The following SNTG1 variants were observed in gnomAD, a reference collection of about 807,000 sequenced individuals.
SNTG1 encodes gamma-1-syntrophin.
SNTG1 carries 39 observed loss-of-function variants against 74.7 expected under a neutral mutation model. The observed-to-expected ratio is 0.52, with a 90% CI of 0.40 to 0.68. SNTG1 has a LOEUF of 0.68. Ranked by LOEUF, SNTG1 falls within the 30% of genes least tolerant of loss-of-function variation. The pLI, the probability that SNTG1 is intolerant of heterozygous loss-of-function variation, is 0.00. For missense variants in SNTG1, 685 were observed against 609.5 expected (o/e 1.12, Z -1.30); for synonymous variants, 254 against 217.1 (o/e 1.17, Z -1.49).
chr8:50,669,722 G>A (rs1234457985), intron 15 of SNTG1, among the ~76,000 whole-genome samples: 2 of 152,130 alleles, frequency 1.3e-5, no homozygotes, highest in African/African-American at 4.8e-5. Context: ...ACAAAAGCCT[G>A]GCAGAGACAC....
chr8:50,078,715 C>T (rs371166214), intron 1 of SNTG1, among the ~76,000 whole-genome samples: 1 of 152,054 alleles, frequency 6.6e-6, no homozygotes, highest in Non-Finnish European at 1.5e-5. Context: ...TTTCTCTAGC[C>T]CCCCAACCCT....
chr8:50,344,833 C>T (rs2091425759), intron 2 of SNTG1, among the ~76,000 whole-genome samples: 1 of 152,212 alleles, frequency 6.6e-6, no homozygotes, highest in African/African-American at 2.4e-5. Context: ...CCTAGTACCT[C>T]AGACTGTGAC....
chr8:50,219,857 G>T lies in SNTG1; in HGVS notation c.-28+47222G>T, dbSNP rs556681976. Among the ~76,000 whole-genome samples, 13 of 152,166 alleles carry T rather than the reference G, an allele frequency of 8.5e-5. No homozygotes were observed. The South Asian group carries it at 2.3e-3, about 27-fold the overall frequency. On this transcript the variant is annotated intron_variant, in intron 2 of 18. Transcript: ENST00000642720. Reference sequence around the variant, plus strand: ...CCAGATGGAATAACAGATTTTAAAAGGCAAATGATAGAAAAGTAGTGAACT... The same window carrying T: ...CCAGATGGAATAACAGATTTTAAAATGCAAATGATAGAAAAGTAGTGAACT...
chr8:50,279,987 C>A (rs996137140), intron 2 of SNTG1, among the ~76,000 whole-genome samples: 6 of 151,456 alleles, frequency 4.0e-5, no homozygotes, highest in Non-Finnish European at 7.3e-5. Flanking sequence ...ATGTAAACTT[C>A]TCTTACAAAA....
rs567069272 is a variant in SNTG1 at position 50,435,939 on chromosome 8, G to A, written c.163-2604G>A. ...GGGCTTGTAGAGCATGAGTAAAGAA[G>A]TTCAAAGAAACGGTTTTTGAGGACC... On this transcript the variant is annotated intron_variant, in intron 4 of 18. Transcript: ENST00000642720. Among the ~76,000 whole-genome samples, 9 of 152,276 alleles carry A rather than the reference G, an allele frequency of 5.9e-5. No homozygotes were observed. The South Asian group carries it at 1.4e-3, about 25-fold the overall frequency.
At chr8:50,221,855 G>C (rs1288738100) in intron 2 of SNTG1, among the ~76,000 whole-genome samples, 1 of 152,186 alleles carries the variant, frequency 6.6e-6, no homozygotes, top group Non-Finnish European at 1.5e-5. Context: ...TTGCAATAGA[G>C]ACAGTGTTTA....
At chr8:50,734,513 C>T (rs1025104076) in intron 17 of SNTG1, among the ~76,000 whole-genome samples, 3 of 150,968 alleles carry the variant, frequency 2.0e-5, no homozygotes, top group African/African-American at 7.3e-5. Flanking sequence ...TTTAATGTTT[C>T]ACTATGTATT....
intron 2 of SNTG1, among the ~76,000 whole-genome samples, chr8:50,183,557 T>C (rs934081841): frequency 4.6e-5 from 7 of 152,184 alleles, no homozygotes; most frequent in African/African-American, 9.7e-5. Flanking sequence ...ATACAACTTA[T>C]ATTCCATAAT....
intron 2 of SNTG1, among the ~76,000 whole-genome samples, chr8:50,288,955 T>C (rs530568474): frequency 2.2e-4 from 33 of 152,254 alleles, no homozygotes; most frequent in African/African-American, 7.9e-4. Context: ...CTAGGAAAAA[T>C]ATTAATTCCA....
chr8:50,070,527 G>C (rs1008967391), intron 1 of SNTG1, among the ~76,000 whole-genome samples: 2 of 151,998 alleles, frequency 1.3e-5, no homozygotes, highest in Non-Finnish European at 2.9e-5. Flanking sequence ...GTGAATTACT[G>C]GTCAGGCCAA....
intron 13 of SNTG1, among the ~76,000 whole-genome samples, chr8:50,615,146 G>A (rs1211375445): frequency 2.6e-5 from 4 of 151,938 alleles, no homozygotes; most frequent in South Asian, 4.2e-4. Context: ...ATTTTTAGTA[G>A]AGACGGGGTT....
At chr8:50,187,801 C>A (rs1269956116) in intron 2 of SNTG1, among the ~76,000 whole-genome samples, 1 of 152,124 alleles carries the variant, frequency 6.6e-6, no homozygotes, top group East Asian at 1.9e-4. Flanking sequence ...GAAAGCAAAT[C>A]AATACCTGTA....
At chr8:50,093,157 C>G (rs1466861303) in intron 1 of SNTG1, among the ~76,000 whole-genome samples, 3 of 152,026 alleles carry the variant, frequency 2.0e-5, no homozygotes, top group Non-Finnish European at 4.4e-5. Context: ...AAGGGTTTGC[C>G]AAACCCTACC....
chr8:50,130,391 C>T (rs575786249), intron 1 of SNTG1, among the ~76,000 whole-genome samples: 1 of 151,920 alleles, frequency 6.6e-6, no homozygotes, highest in Non-Finnish European at 1.5e-5. Flanking sequence ...GCACAAATAT[C>T]AAGAAAGAGA....
At chr8:50,661,542 T>A (rs558176909) in intron 15 of SNTG1, among the ~76,000 whole-genome samples, 1 of 152,292 alleles carries the variant, frequency 6.6e-6, no homozygotes, top group African/African-American at 2.4e-5. Context: ...TTTACTTGAA[T>A]TTTTTTAATA....
chr8:50,004,438 T>C (rs1025606305), intron 1 of SNTG1, among the ~76,000 whole-genome samples: 2 of 152,114 alleles, frequency 1.3e-5, no homozygotes, highest in Non-Finnish European at 2.9e-5. Context: ...GGGAATTAAA[T>C]ATTTTCCAGA....
intron 1 of SNTG1, among the ~76,000 whole-genome samples, chr8:50,105,424 T>C (rs1397004721): frequency 3.3e-5 from 5 of 152,096 alleles, no homozygotes; most frequent in African/African-American, 1.2e-4. Context: ...CTTTTGGTTA[T>C]TGTAGCCTTG....
intron 2 of SNTG1, among the ~76,000 whole-genome samples, chr8:50,374,375 A>G (rs753028615): frequency 5.9e-5 from 9 of 152,232 alleles, no homozygotes; most frequent in Non-Finnish European, 1.2e-4. Flanking sequence ...AAAACTATAT[A>G]GGCACTTTCG....
chr8:50,113,826 G>A (rs1180851215), intron 1 of SNTG1, among the ~76,000 whole-genome samples: 1 of 151,918 alleles, frequency 6.6e-6, no homozygotes, highest in African/African-American at 2.4e-5. Context: ...TAGTTAATGG[G>A]TGCAGCACAC....
Sources: gnomAD v4.1 joint callset for allele counts (sites outside exome capture counted in the v4.1 genomes callset) on GRCh38, gnomAD v4.1.1 for gene constraint, MANE v1.5 for transcripts, NCBI Gene and HGNC (gene_info 2026-07-23, HGNC 2026-07-21) for gene names.